Variants in DLG2 observed in about 807,000 individuals in gnomAD.
DLG2 encodes the protein discs large MAGUK scaffold protein 2.
DLG2 carries 45 observed loss-of-function variants against 132.5 expected under a neutral mutation model. The ratio of observed to expected loss-of-function variants is 0.34; its 90% confidence interval spans 0.27 to 0.44. The LOEUF is 0.44. Among genes scored for constraint, DLG2 ranks in the 20% least tolerant of loss-of-function variants. The pLI is 1.00. For synonymous variants in DLG2, 424 were observed against 419.6 expected (o/e 1.01, Z -0.13); for missense variants, 1,045 against 1,196.9 (o/e 0.87, Z 1.87).
chr11:84,720,080 C>A (rs1480319137), intron 6 of DLG2, among the ~76,000 whole-genome samples: 1 of 152,066 alleles, frequency 6.6e-6, no homozygotes, highest in Non-Finnish European at 1.5e-5. Context: ...TGTTAGAGAC[C>A]AGGGTCCCAT....
intron 3 of DLG2, among the ~76,000 whole-genome samples, chr11:85,501,089 G>C (rs958876949): frequency 6.6e-6 from 1 of 152,118 alleles, no homozygotes; most frequent in Non-Finnish European, 1.5e-5. Flanking sequence ...CAATGGAATA[G>C]AACAGAGGCC....
intron 3 of DLG2, among the ~76,000 whole-genome samples, chr11:85,353,726 A>T (rs183674006): frequency 9.0e-4 from 137 of 152,272 alleles, no homozygotes; most frequent in African/African-American, 3.1e-3. Context: ...TTCTGAGCAA[A>T]CTATCTCATG....
intron 7 of DLG2, among the ~76,000 whole-genome samples, chr11:84,368,576 G>A (rs752203225): frequency 1.3e-5 from 2 of 152,158 alleles, no homozygotes; most frequent in African/African-American, 4.8e-5. Flanking sequence ...GTTAACATGT[G>A]GTCTAAGTTA....
intron 6 of DLG2, among the ~76,000 whole-genome samples, chr11:84,622,963 C>T (rs1282173097): frequency 6.6e-6 from 1 of 152,110 alleles, no homozygotes; most frequent in Admixed American, 6.6e-5. Flanking sequence ...CTATCCCTTA[C>T]ATCAACTTCC....
In DLG2 at chr11:85,258,550, C is replaced by G. The variant is rs549034763; in HGVS notation, c.186+26670G>C. ...CATAATGCATTTCAATACACCTTTA[C>G]TGAATTGACTTTTATGCTAAGTGAG... On this transcript the variant is annotated intron_variant, in intron 4 of 27. Transcript: ENST00000376104. Among the ~76,000 whole-genome samples, 157 of 152,254 alleles carry G rather than the reference C, an allele frequency of 1.0e-3. 1 individual carries two copies. The highest frequency in any genetic ancestry group is 1.0e-3 in the Admixed American group (16 of 15,292).
chr11:85,015,903 T>G (rs1430016868), intron 6 of DLG2, among the ~76,000 whole-genome samples: 1 of 152,220 alleles, frequency 6.6e-6, no homozygotes, highest in Non-Finnish European at 1.5e-5. Flanking sequence ...GAAATCAATG[T>G]TATCTCTGAT....
At position 83,693,448 on chromosome 11, in the gene DLG2, C is replaced by T. The variant is rs908757238; in HGVS notation, c.1826-60123G>A. Among the ~76,000 whole-genome samples the T allele has an allele frequency of 2.6e-5, 4 of 152,058 alleles. No individual in the cohort carries two copies. The East Asian group carries it at 7.7e-4, about 29-fold the overall frequency. On this transcript the variant is annotated intron_variant, in intron 18 of 27. Coordinates refer to ENST00000376104, the MANE Select transcript of DLG2 (RefSeq NM_001142699.3). The stretch of plus-strand genomic sequence containing the variant: ...AACAGCAGGCAACACGCAATCAAAC[C>T]GTGCATAGCAGTAGGGTGTGGGAAC...
intron 6 of DLG2, among the ~76,000 whole-genome samples, chr11:84,903,401 C>T (rs1418546732): frequency 1.3e-5 from 2 of 152,190 alleles, no homozygotes; most frequent in African/African-American, 2.4e-5. Context: ...CACCCCTTTG[C>T]GTAGTTAGCT....
chr11:83,494,710 G>A (rs1194337321), intron 21 of DLG2, among the ~76,000 whole-genome samples: 2 of 147,262 alleles, frequency 1.4e-5, no homozygotes, highest in East Asian at 4.1e-4. Context: ...TCTAGGTGGA[G>A]CTCCCTGCCT....
intron 3 of DLG2, among the ~76,000 whole-genome samples, chr11:85,426,859 A>G (rs2090786478): frequency 6.6e-6 from 1 of 152,200 alleles, no homozygotes; most frequent in South Asian, 2.1e-4. Flanking sequence ...AACCCATGGC[A>G]AAGTAGTTAA....
chr11:85,141,014 A>G (rs2076433994), intron 5 of DLG2, among the ~76,000 whole-genome samples: 1 of 151,846 alleles, frequency 6.6e-6, no homozygotes, highest in Non-Finnish European at 1.5e-5. Context: ...GGCTAAGTGA[A>G]TAAATAATAA....
intron 9 of DLG2, among the ~76,000 whole-genome samples, chr11:84,118,342 C>T (rs925142866): frequency 2.6e-5 from 4 of 152,190 alleles, no homozygotes; most frequent in Admixed American, 2.6e-4. Context: ...GCCTGAGAAA[C>T]TAATTTGCCT....
chr11:84,846,221 T>C (rs2081457823), intron 6 of DLG2, among the ~76,000 whole-genome samples: 1 of 152,104 alleles, frequency 6.6e-6, no homozygotes, highest in Non-Finnish European at 1.5e-5. Flanking sequence ...TCTATATATA[T>C]CTACTTTTTG....
At chr11:83,788,195 T>C (rs1757268721) in intron 17 of DLG2, among the ~76,000 whole-genome samples, 1 of 152,194 alleles carries the variant, frequency 6.6e-6, no homozygotes, top group Non-Finnish European at 1.5e-5. Flanking sequence ...GGGTGGCAGA[T>C]GGGGGGTTAC....
At chr11:84,325,481 T>G (rs1170999811) in intron 7 of DLG2, among the ~76,000 whole-genome samples, 1 of 152,168 alleles carries the variant, frequency 6.6e-6, no homozygotes, top group African/African-American at 2.4e-5. Flanking sequence ...TTTTGTCAAC[T>G]GCTTTTTCTG....
At chr11:85,338,050 AAG>A (rs2082247122) in intron 3 of DLG2, among the ~76,000 whole-genome samples, 1 of 152,212 alleles carries the variant, frequency 6.6e-6, no homozygotes, top group South Asian at 2.1e-4. Context: ...TAAGAAATAT[AAG>A]AGAGACACAA....
intron 6 of DLG2, among the ~76,000 whole-genome samples, chr11:84,604,918 CA>C (rs2099582725): frequency 6.6e-6 from 1 of 151,918 alleles, no homozygotes; most frequent in South Asian, 2.1e-4. Flanking sequence ...TTTCTACTCC[CA>C]AGTGATAATT....
intron 4 of DLG2, among the ~76,000 whole-genome samples, chr11:85,213,119 T>A (rs1285050956): frequency 1.3e-5 from 2 of 152,160 alleles, no homozygotes; most frequent in African/African-American, 4.8e-5. Flanking sequence ...GTAGAAACAT[T>A]AGAATTTGCC....
chr11:84,813,608 T>G (rs1175359939), intron 6 of DLG2, among the ~76,000 whole-genome samples: 1 of 152,088 alleles, frequency 6.6e-6, no homozygotes, highest in Non-Finnish European at 1.5e-5. Context: ...TGATGGGGAA[T>G]CGCTGACAGA....
Sources: gnomAD v4.1 joint callset for allele counts (sites outside exome capture counted in the v4.1 genomes callset) on GRCh38, gnomAD v4.1.1 for gene constraint, MANE v1.5 for transcripts, NCBI Gene and HGNC (gene_info 2026-07-23, HGNC 2026-07-21) for gene names.